EXOC3L2: variants seen among roughly 807,000 people sequenced by gnomAD.
EXOC3L2 encodes exocyst complex component 3 like 2, also known as exocyst complex component 3-like protein 2.
Under a neutral mutation model 44.4 loss-of-function variants are expected in EXOC3L2, and 17 were observed. The observed-to-expected ratio is 0.38, with a 90% CI of 0.26 to 0.57. The LOEUF is 0.57. EXOC3L2 is among the 20% of genes least tolerant of loss of function. EXOC3L2 has a pLI of 0.65. For missense variants in EXOC3L2, 541 were observed against 588.4 expected (o/e 0.92, Z 0.83); for synonymous variants, 256 against 253.7 (o/e 1.01, Z -0.09).
At position 45,228,273 on chromosome 19, in the gene EXOC3L2, T is replaced by C. The variant is rs114777882; in HGVS notation, c.1270-7A>G. ...GGGCAGCCCGGGTCTGAGCCTACAG[T>C]AGGGAGAGGGGAGACAGGCAGGAGT... On this transcript the variant is annotated splice_polypyrimidine_tract_variant and splice_region_variant and intron_variant, in intron 4 of 11. Coordinates refer to ENST00000413988, the MANE Select transcript of EXOC3L2 (RefSeq NM_001382422.1). 4,374 of 1,613,500 alleles carry C rather than the reference T, an allele frequency of 2.7e-3. 114 individuals are homozygous for C. In the African/African-American group the frequency reaches 0.052, roughly 19 times the overall value.
In EXOC3L2 at chr19:45,226,747, C is replaced by CTTTT. The variant is rs957385712; in HGVS notation, c.1583+911_1583+914dup. Reference sequence around the variant, plus strand: ...CACTGTGCCCAGCTGACTCCCATCTCTTTTTTTTTTTTTTTTTTTTTTTGA... The same window carrying CTTTT: ...CACTGTGCCCAGCTGACTCCCATCTCTTTTTTTTTTTTTTTTTTTTTTTTTTTGA... On this transcript the variant is annotated intron_variant, in intron 7 of 11. Transcript: ENST00000413988. Among the ~76,000 whole-genome samples, 676 of 90,636 alleles carry CTTTT rather than the reference C, an allele frequency of 7.5e-3. 23 individuals are homozygous for CTTTT. The highest frequency in any genetic ancestry group is 0.011 in the Non-Finnish European group (576 of 51,164). The allele number at this position is 90,636 out of a possible 152,430, so 59.5% of individuals were successfully genotyped here.
At chr19:45,216,446 G>A (rs190096235) in intron 10 of EXOC3L2, among the ~76,000 whole-genome samples, 3 of 152,202 alleles carry the variant, frequency 2.0e-5, no homozygotes, top group Admixed American at 2.0e-4. Context: ...AGGCGTGGTG[G>A]TGCACACCTG....
At chr19:45,217,867 C>G (rs751711942) in intron 9 of EXOC3L2, among the ~76,000 whole-genome samples, 184 bp from the exon 10 acceptor site, 3 of 152,034 alleles carry the variant, frequency 2.0e-5, no homozygotes, top group Non-Finnish European at 4.4e-5. Context: ...TCCCTGGCCC[C>G]CTAATTAGCC....
At chr19:45,243,820 G>C (rs992735053) in intron 1 of EXOC3L2, among the ~76,000 whole-genome samples, 1 of 151,588 alleles carries the variant, frequency 6.6e-6, no homozygotes, top group Non-Finnish European at 1.5e-5. Flanking sequence ...AGTACAGATG[G>C]GGTTTCACCA....
intron 8 of EXOC3L2, 61 bp downstream of exon 8, chr19:45,224,717 T>C (rs1599763119): frequency 6.6e-7 from 1 of 1,515,156 alleles, no homozygotes; most frequent in South Asian, 1.3e-5. Flanking sequence ...TGGAGGATGG[T>C]GGGGGGCAGC....
In EXOC3L2 at chr19:45,212,887, A is replaced by C. The variant is rs1179848518; in HGVS notation, c.*182T>G. 4 of 628,966 alleles carry C rather than the reference A, an allele frequency of 6.4e-6. No homozygotes were observed. The highest frequency in any genetic ancestry group is 4.9e-6 in the Non-Finnish European group (2 of 407,066). The allele number at this position is 628,966 out of a possible 1,614,324, so 39.0% of individuals were successfully genotyped here. A position where few individuals can be genotyped will look rare whatever the true frequency, so the allele number is the denominator to read the frequency against. On this transcript the variant is annotated 3_prime_UTR_variant, in exon 12 of 12. Transcript: ENST00000413988. ...AGTGTTGGGATTACAGGCATGAGCC[A>C]CCGTGCCTGGCGTTTGTTTCCCTTC... is the stretch of plus-strand genomic sequence containing the variant.
intron 1 of EXOC3L2, among the ~76,000 whole-genome samples, chr19:45,239,455 A>T (rs1323195543): frequency 6.6e-6 from 1 of 150,890 alleles, no homozygotes; most frequent in Non-Finnish European, 1.5e-5. Context: ...TGACTTTGTG[A>T]TCCACCTGCC....
chr19:45,217,580 G>A lies in EXOC3L2; in HGVS notation c.1946C>T (p.Ala649Val). 6.5e-7 allele frequency: 1 copy of A among 1,548,204 alleles called. No individual in the cohort carries two copies. The highest frequency in any genetic ancestry group is 1.2e-5 in the South Asian group (1 of 84,782). The change falls in exon 10 of 12, where the codon GCC becomes GTC. Residue 649 changes from alanine to valine, a missense_variant. Coordinates refer to ENST00000413988, the MANE Select transcript of EXOC3L2 (RefSeq NM_001382422.1). ...CSSARTRSRV[A>V]GRLREDAAQL... The stretch of plus-strand genomic sequence containing the variant: ...CGCCGCGTCCTCCCGGAGCCTGCCG[G>A]CCACGCGGCTGCGGGTCCGCGCCGA...
In EXOC3L2 at chr19:45,220,066, G is replaced by A. The variant is rs150780410; in HGVS notation, c.1720-1747C>T. Among the ~76,000 whole-genome samples the A allele has an allele frequency of 2.0e-3, 307 of 152,160 alleles. 2 individuals are homozygous for A. Among genetic ancestry groups the A allele is most frequent in the African/African-American group, 6.9e-3 (287 of 41,496 alleles). ...TGGGCGCCTGTAATCCCAGCTACTC[G>A]GGAGGCTGAGGCAGTAGAATCTCTT... On this transcript the variant is annotated intron_variant, in intron 8 of 11. Transcript: ENST00000413988.
chr19:45,213,480 T>A, intron 11 of EXOC3L2, 123 bp from the exon 12 acceptor site: 2 of 1,165,788 alleles, frequency 1.7e-6, no homozygotes, highest in Non-Finnish European at 2.4e-6. Flanking sequence ...CTGGGGCCTC[T>A]GTGTCCCCTC....
intron 7 of EXOC3L2, among the ~76,000 whole-genome samples, chr19:45,226,092 A>G: frequency 6.6e-6 from 1 of 152,120 alleles, no homozygotes; most frequent in East Asian, 1.9e-4. Flanking sequence ...CCTATCATTT[A>G]TTTAACTGGC....
chr19:45,232,018 AG>A (rs1568483452), intron 3 of EXOC3L2, 144 bp from the exon 4 acceptor site: 13 of 468,162 alleles, frequency 2.8e-5, no homozygotes, highest in Non-Finnish European at 4.8e-5. Context: ...CATCCCTCAG[AG>A]GAAGTCTTTG....
intron 3 of EXOC3L2, 116 bp from the exon 4 acceptor site, chr19:45,231,990 C>G (rs1030691401): frequency 2.5e-4 from 134 of 534,468 alleles, no homozygotes; most frequent in African/African-American, 2.4e-3. Context: ...CCCTTCCTCT[C>G]TCTAAGTCAT....
In EXOC3L2 at chr19:45,212,388, T is replaced by G. The variant is rs1189496590; in HGVS notation, c.*681A>C. Among the ~76,000 whole-genome samples, 1 of 152,040 alleles carries G rather than the reference T, an allele frequency of 6.6e-6. No individual in the cohort carries two copies. Among genetic ancestry groups the G allele is most frequent in the Non-Finnish European group, 1.5e-5 (1 of 68,010 alleles). On this transcript the variant is annotated 3_prime_UTR_variant, in exon 12 of 12. Coordinates refer to ENST00000413988, the MANE Select transcript of EXOC3L2 (RefSeq NM_001382422.1). Reference sequence around the variant, plus strand: ...CCCTTCCTTGTGTTAAATAGAAACCTCTTTATTCTAAGTATCGAACGTTCC... The same window carrying G: ...CCCTTCCTTGTGTTAAATAGAAACCGCTTTATTCTAAGTATCGAACGTTCC...
At position 45,234,967 on chromosome 19, in the gene EXOC3L2, A is replaced by G. The variant is rs1377189764; in HGVS notation, c.524-141T>C. On this transcript the variant is annotated intron_variant, in intron 2 of 11. Coordinates refer to ENST00000413988, the MANE Select transcript of EXOC3L2 (RefSeq NM_001382422.1). The surrounding 1 kb of genome is among the most constrained non-coding windows in gnomAD (Gnocchi z 5.0). ...GCGGGAAAGTGTGGGGGCAGAGAAG[A>G]GCCCGGAGAAGAGCAAGAAAGAAGG... is the stretch of plus-strand genomic sequence containing the variant. The G allele has an allele frequency of 1.3e-5, 5 of 378,232 alleles. No individual in the cohort carries two copies. Among genetic ancestry groups the G allele is most frequent in the Non-Finnish European group, 2.3e-5 (5 of 212,962 alleles). The allele number at this position is 378,232 out of a possible 1,614,324, so 23.4% of individuals were successfully genotyped here.
Position 45,238,734 on chromosome 19 carries a change from A to C in EXOC3L2, c.312T>G (p.Phe104Leu). Residue 104 changes from phenylalanine (F) to leucine (L), a missense_variant, in exon 2 of 12, where the codon TTT becomes TTG. Coordinates refer to ENST00000413988, the MANE Select transcript of EXOC3L2 (RefSeq NM_001382422.1). The surrounding 1 kb of genome is among the most constrained non-coding windows in gnomAD (Gnocchi z 5.5). ...TCCCATGCAGCCGGGCCAGGAGGCC[A>C]AAATCTGCTGAGCTCCTGCGTATCC... ...VPGIRRSSAD[F>L]GLLARLHGTR... The C allele has an allele frequency of 2.5e-6, 1 of 398,930 alleles. No individual in the cohort carries two copies. The highest frequency in any genetic ancestry group is 4.4e-6 in the Non-Finnish European group (1 of 225,938). The allele number at this position is 398,930 out of a possible 1,614,324, so 24.7% of individuals were successfully genotyped here.
At chr19:45,240,826 C>T (rs536157319) in intron 1 of EXOC3L2, among the ~76,000 whole-genome samples, 2 of 152,188 alleles carry the variant, frequency 1.3e-5, no homozygotes, top group East Asian at 3.9e-4. Context: ...ATTGTTTGAA[C>T]CCAGGAGGCA....
rs1439488388 is a variant in EXOC3L2 at position 45,234,009 on chromosome 19, C to T, written c.1157+184G>A. On this transcript the variant is annotated intron_variant, in intron 3 of 11. Transcript: ENST00000413988. The surrounding 1 kb of genome is among the most constrained non-coding windows in gnomAD (Gnocchi z 5.0). ...GTACTAAGGTGCTGGAACCGGAAGC[C>T]TCGGTAGCAGTGAGAGTCTAGGATT... Among the ~76,000 whole-genome samples the T allele has an allele frequency of 6.6e-5, 10 of 152,136 alleles. No homozygotes were observed. Among genetic ancestry groups the T allele is most frequent in the Admixed American group, 6.6e-4 (10 of 15,260 alleles).
At chr19:45,217,840 G>A (rs981876935) in intron 9 of EXOC3L2, among the ~76,000 whole-genome samples, 157 bp from the exon 10 acceptor site, 11 of 151,806 alleles carry the variant, frequency 7.2e-5, no homozygotes, top group African/African-American at 2.7e-4. Flanking sequence ...CAGCCCCTGA[G>A]CTATCCTAGG....
Sources: allele counts gnomAD v4.1 joint callset (sites outside exome capture counted in the v4.1 genomes callset), GRCh38; gene constraint gnomAD v4.1.1; non-coding constraint Gnocchi (gnomAD v3.1); transcripts MANE v1.5; gene names NCBI Gene and HGNC (gene_info 2026-07-23, HGNC 2026-07-21).